Variants in GALNTL6 observed in about 807,000 individuals in gnomAD.
GALNTL6 encodes polypeptide N-acetylgalactosaminyltransferase like 6, also known as polypeptide N-acetylgalactosaminyltransferase-like 6.
A neutral mutation model predicts 73.7 loss-of-function variants in GALNTL6; 46 were observed. The ratio of observed to expected loss-of-function variants is 0.62; its 90% CI spans 0.49 to 0.80. The LOEUF is 0.80. Ranked by LOEUF, GALNTL6 falls within the 30% of genes least tolerant of loss-of-function variation. The pLI is 0.00. For missense variants in GALNTL6, 604 were observed against 755.0 expected (o/e 0.80, Z 2.34); for synonymous variants, 259 against 263.7 (o/e 0.98, Z 0.17).
At chr4:172,755,901 C>A (rs552858218) in intron 5 of GALNTL6, among the ~76,000 whole-genome samples, 1 of 152,186 alleles carries the variant, frequency 6.6e-6, no homozygotes, top group South Asian at 2.1e-4. Context: ...GAGTTTAAAC[C>A]ACTTAGGGAT....
intron 5 of GALNTL6, among the ~76,000 whole-genome samples, chr4:172,675,689 C>G (rs1054315472): frequency 6.6e-6 from 1 of 152,182 alleles, no homozygotes; most frequent in Admixed American, 6.5e-5. Flanking sequence ...AGTCACATGG[C>G]TAAAAAATGG....
At chr4:172,472,742 C>A (rs1344268089) in intron 5 of GALNTL6, among the ~76,000 whole-genome samples, 1 of 152,094 alleles carries the variant, frequency 6.6e-6, no homozygotes, top group Non-Finnish European at 1.5e-5. Context: ...TATGCTGACA[C>A]AAACCAAAGA....
intron 5 of GALNTL6, among the ~76,000 whole-genome samples, chr4:172,431,546 T>A (rs551853097): frequency 2.0e-5 from 3 of 152,244 alleles, no homozygotes; most frequent in African/African-American, 7.2e-5. Flanking sequence ...TGTAAGAATG[T>A]TAATGGAAGT....
chr4:172,488,148 A>G (rs1048145244), intron 5 of GALNTL6, among the ~76,000 whole-genome samples: 1 of 152,198 alleles, frequency 6.6e-6, no homozygotes, highest in Non-Finnish European at 1.5e-5. Context: ...CTACCTCACT[A>G]GAACATTTCA....
At position 172,833,671 on chromosome 4, in the gene GALNTL6, C is replaced by T. The variant is rs79485291; in HGVS notation, c.923+19948C>T. Among the ~76,000 whole-genome samples the T allele has an allele frequency of 1.0e-3, 155 of 152,218 alleles. 1 individual carries two copies. In the East Asian group the frequency reaches 0.024, roughly 24 times the overall value. On this transcript the variant is annotated intron_variant, in intron 7 of 12. Transcript: ENST00000506823. ...TTCTCTCCTGAAGTAAGCAGCTAACCCCAACTCTAATGCCCCATTCTGCAA... is the reference window on the plus strand; with the variant it reads ...TTCTCTCCTGAAGTAAGCAGCTAACTCCAACTCTAATGCCCCATTCTGCAA...
intron 5 of GALNTL6, among the ~76,000 whole-genome samples, chr4:172,567,470 G>C (rs1328993121): frequency 1.3e-5 from 2 of 152,098 alleles, no homozygotes; most frequent in Non-Finnish European, 1.5e-5. Context: ...AAAACAGCTT[G>C]CTTATCTCAG....
At chr4:172,606,912 A>C (rs1255686992) in intron 5 of GALNTL6, among the ~76,000 whole-genome samples, 1 of 151,514 alleles carries the variant, frequency 6.6e-6, no homozygotes, top group Non-Finnish European at 1.5e-5. Context: ...TTCCTTTAGG[A>C]AATGTCAGTG....
chr4:172,385,463 G>A (rs1012403566), intron 5 of GALNTL6, among the ~76,000 whole-genome samples: 3 of 151,758 alleles, frequency 2.0e-5, no homozygotes, highest in African/African-American at 7.3e-5. Flanking sequence ...TTTTCCTGTG[G>A]TTCACATGTA....
intron 5 of GALNTL6, among the ~76,000 whole-genome samples, chr4:172,515,822 G>A (rs1339026744): frequency 6.6e-6 from 1 of 152,172 alleles, no homozygotes; most frequent in Non-Finnish European, 1.5e-5. Flanking sequence ...TAGGGCCTCA[G>A]TTCTGAAGGA....
At chr4:172,080,536 T>C (rs1731848150) in intron 2 of GALNTL6, among the ~76,000 whole-genome samples, 1 of 152,172 alleles carries the variant, frequency 6.6e-6, no homozygotes, top group Non-Finnish European at 1.5e-5. Flanking sequence ...ATATAAATTA[T>C]ATGACTATTT....
intron 2 of GALNTL6, among the ~76,000 whole-genome samples, chr4:172,020,072 T>A (rs1391089705): frequency 1.3e-5 from 2 of 151,982 alleles, no homozygotes; most frequent in East Asian, 3.9e-4. Flanking sequence ...AACCAGTGAA[T>A]CAATGAATAA....
At chr4:172,491,524 A>G (rs1733892575) in intron 5 of GALNTL6, among the ~76,000 whole-genome samples, 1 of 152,120 alleles carries the variant, frequency 6.6e-6, no homozygotes, top group Non-Finnish European at 1.5e-5. Flanking sequence ...TTGTGAGACT[A>G]GGAGTGAAAA....
At chr4:172,797,712 T>C (rs551145887) in intron 5 of GALNTL6, among the ~76,000 whole-genome samples, 1 of 151,978 alleles carries the variant, frequency 6.6e-6, no homozygotes, top group African/African-American at 2.4e-5. Flanking sequence ...CTAATTTTTG[T>C]ATTTTTAGTA....
chr4:172,576,161 A>G (rs1410114246), intron 5 of GALNTL6, among the ~76,000 whole-genome samples: 2 of 152,154 alleles, frequency 1.3e-5, no homozygotes, highest in Non-Finnish European at 1.5e-5. Flanking sequence ...TAAAGGTGGT[A>G]TCAGTTGGAT....
chr4:172,543,046 G>A (rs1400441963), intron 5 of GALNTL6, among the ~76,000 whole-genome samples: 1 of 121,132 alleles, frequency 8.3e-6, no homozygotes, highest in Non-Finnish European at 1.9e-5. Context: ...GCAGTGAGCT[G>A]AGATTGTGCC....
chr4:173,000,477 C>T (rs1448287951), intron 10 of GALNTL6, among the ~76,000 whole-genome samples: 1 of 152,128 alleles, frequency 6.6e-6, no homozygotes, highest in Admixed American at 6.5e-5. Context: ...AATGGTGATA[C>T]TACGCAAAGT....
At chr4:171,923,547 G>A (rs1291937305) in intron 2 of GALNTL6, among the ~76,000 whole-genome samples, 3 of 147,922 alleles carry the variant, frequency 2.0e-5, no homozygotes, top group Admixed American at 6.9e-5. Context: ...ACAGGTGCCC[G>A]GCACCACTCC....
At chr4:172,877,174 T>C (rs1745235466) in intron 7 of GALNTL6, among the ~76,000 whole-genome samples, 2 of 152,188 alleles carry the variant, frequency 1.3e-5, no homozygotes, top group Non-Finnish European at 2.9e-5. Flanking sequence ...TCTTTATGTA[T>C]GTTTATCTTT....
At chr4:171,834,774 G>A (rs1276075103) in intron 2 of GALNTL6, among the ~76,000 whole-genome samples, 6 of 151,914 alleles carry the variant, frequency 3.9e-5, no homozygotes, top group African/African-American at 4.8e-5. Flanking sequence ...GGTAAAGGAC[G>A]AGAGGCGTAA....
Sources: gnomAD v4.1 joint callset for allele counts (sites outside exome capture counted in the v4.1 genomes callset) on GRCh38, gnomAD v4.1.1 for gene constraint, MANE v1.5 for transcripts, NCBI Gene and HGNC (gene_info 2026-07-23, HGNC 2026-07-21) for gene names.